The following GABBR2 variants were observed in gnomAD, a reference collection of about 807,000 sequenced individuals.
The protein encoded by GABBR2 is G-protein coupled receptor 51.
GABBR2 carries 23 observed loss-of-function variants against 105.6 expected under a neutral mutation model. The ratio of observed to expected loss-of-function variants is 0.22; its 90% confidence interval spans 0.16 to 0.31. The LOEUF (loss-of-function observed/expected upper bound fraction) is 0.31, where lower values mean the gene tolerates loss of function less well. Ranked by LOEUF, GABBR2 falls within the 10% of genes least tolerant of loss-of-function variation. The pLI is 1.00. For synonymous variants in GABBR2, 478 were observed against 499.7 expected, an observed-to-expected ratio of 0.96 and a Z score of 0.58; for missense variants, 734 against 1,245.5, an observed-to-expected ratio of 0.59 and a Z score of 6.18.
chr9:98,507,972 G>T (rs58235207), intron 3 of GABBR2, among the ~76,000 whole-genome samples: 6,496 of 152,222 alleles, frequency 0.043, 487 homozygotes, highest in African/African-American at 0.15. Context: ...CACTCTAGGA[G>T]CAGTCGGTGA....
chr9:98,419,325 G>A (rs1033150765), intron 7 of GABBR2, among the ~76,000 whole-genome samples: 2 of 152,220 alleles, frequency 1.3e-5, no homozygotes, highest in Non-Finnish European at 2.9e-5. Context: ...CTCCTAGGGT[G>A]TAAGGAGATA....
At chr9:98,646,821 G>A (rs1431014774) in intron 1 of GABBR2, among the ~76,000 whole-genome samples, 1 of 152,182 alleles carries the variant, frequency 6.6e-6, no homozygotes, top group African/African-American at 2.4e-5. Flanking sequence ...CTCCCAGAGG[G>A]TCCTCCCACA....
At position 98,290,046 on chromosome 9, in the gene GABBR2, G is replaced by C. The variant is rs1254183314; in HGVS notation, c.*538C>G. ...CTGTCTGCGCTCCTGCAGACTCCCTGTTCCAGGAAGGCTGGGGTCAGCTGG... is the reference window on the plus strand; with the variant it reads ...CTGTCTGCGCTCCTGCAGACTCCCTCTTCCAGGAAGGCTGGGGTCAGCTGG... On this transcript the variant is annotated 3_prime_UTR_variant, in exon 19 of 19. Transcript: ENST00000259455. 6.6e-6 allele frequency: 1 copy of C among 152,462 alleles called. No homozygotes were observed. The highest frequency in any genetic ancestry group is 1.5e-5 in the Non-Finnish European group (1 of 68,180). 9.4% of individuals were successfully genotyped at this position (152,462 alleles called of 1,614,324 possible).
At chr9:98,410,630 C>A (rs1261244945) in intron 7 of GABBR2, among the ~76,000 whole-genome samples, 1 of 151,230 alleles carries the variant, frequency 6.6e-6, no homozygotes, top group Admixed American at 6.6e-5. Flanking sequence ...GGGCCCCTGG[C>A]TGCATGCTCA....
chr9:98,351,709 A>G (rs1396117051), intron 13 of GABBR2, among the ~76,000 whole-genome samples: 1 of 152,218 alleles, frequency 6.6e-6, no homozygotes, highest in East Asian at 1.9e-4. Flanking sequence ...TTTCACATTC[A>G]GATCTCAAAT....
intron 12 of GABBR2, among the ~76,000 whole-genome samples, chr9:98,364,816 G>T (rs950390677): frequency 1.3e-5 from 2 of 152,094 alleles, no homozygotes; most frequent in Non-Finnish European, 2.9e-5. Flanking sequence ...GACCAGGCTG[G>T]TCTTGAACTC....
chr9:98,314,723 CTT>C (rs1277248773), intron 13 of GABBR2, among the ~76,000 whole-genome samples: 1 of 152,164 alleles, frequency 6.6e-6, no homozygotes, highest in Non-Finnish European at 1.5e-5. Context: ...CAAGCTCTCT[CTT>C]TGAGTCTGCA....
At chr9:98,367,253 A>G (rs544855348) in intron 12 of GABBR2, among the ~76,000 whole-genome samples, 1 of 150,278 alleles carries the variant, frequency 6.7e-6, no homozygotes, top group South Asian at 2.1e-4. Context: ...AAAAAAAGCA[A>G]ATGATTGCAT....
chr9:98,445,173 C>T (rs1213010319), intron 7 of GABBR2, among the ~76,000 whole-genome samples: 3 of 152,138 alleles, frequency 2.0e-5, no homozygotes, highest in African/African-American at 7.2e-5. Flanking sequence ...GCATAAAGGG[C>T]CAGGTGAAGT....
At chr9:98,487,049 C>T (rs1827069849) in intron 4 of GABBR2, among the ~76,000 whole-genome samples, 1 of 152,248 alleles carries the variant, frequency 6.6e-6, no homozygotes, top group Admixed American at 6.5e-5. Flanking sequence ...TAGCCCACAG[C>T]AGCCCAGTGG....
chr9:98,643,583 C>T (rs1829995412), intron 1 of GABBR2, among the ~76,000 whole-genome samples: 1 of 152,184 alleles, frequency 6.6e-6, no homozygotes, highest in African/African-American at 2.4e-5. Context: ...ACCACGAGCT[C>T]CTTGCGCAGA....
intron 1 of GABBR2, chr9:98,607,254 G>A (rs1167737526): frequency 3.9e-5 from 48 of 1,243,044 alleles, no homozygotes; most frequent in East Asian, 6.9e-5. Context: ...TGAGGACTAC[G>A]TAAATGCAGA....
intron 9 of GABBR2, among the ~76,000 whole-genome samples, chr9:98,390,158 T>G (rs1019243705): frequency 6.6e-6 from 1 of 152,104 alleles, no homozygotes; most frequent in African/African-American, 2.4e-5. Context: ...GTGGATCACT[T>G]GAGGTCAGGA....
At chr9:98,519,652 C>T (rs2779573) in intron 3 of GABBR2, among the ~76,000 whole-genome samples, 73,115 of 151,416 alleles carry the variant, frequency 0.48, 18,182 homozygotes, top group East Asian at 0.76. Flanking sequence ...GCCTGGGATT[C>T]AACTTCAAAG....
Position 98,406,154 on chromosome 9 carries a change from CA to C in GABBR2, c.1237-14del, listed in dbSNP as rs985625824. 6 of 1,519,804 alleles carry C rather than the reference CA, an allele frequency of 3.9e-6. No individual in the cohort carries two copies. The highest frequency in any genetic ancestry group is 4.5e-6 in the Non-Finnish European group (5 of 1,117,892). The allele number at this position is 1,519,804 out of a possible 1,614,324, so 94.1% of individuals were successfully genotyped here. A position where few individuals can be genotyped will look rare whatever the true frequency, so the allele number is the denominator to read the frequency against. ...ATACAACTTGACCCTAAAAACAAAA[CA>C]AAACAAATCAAACAAGAATAAAAGA... is the stretch of plus-strand genomic sequence containing the variant. On this transcript the variant is annotated splice_polypyrimidine_tract_variant and intron_variant, in intron 7 of 18. Transcript: ENST00000259455.
intron 1 of GABBR2, among the ~76,000 whole-genome samples, chr9:98,581,652 CATGTTTT>C (rs1016871453): frequency 1.3e-5 from 2 of 151,920 alleles, no homozygotes; most frequent in African/African-American, 4.8e-5. Flanking sequence ...CAGAGTAGTT[CATGTTTT>C]AATTGTTTCT....
intron 1 of GABBR2, among the ~76,000 whole-genome samples, chr9:98,617,402 C>T (rs905800082): frequency 2.6e-5 from 4 of 152,130 alleles, no homozygotes; most frequent in Middle Eastern, 3.2e-3. Context: ...GACAAGGAGA[C>T]GCAAATGCAG....
intron 2 of GABBR2, among the ~76,000 whole-genome samples, chr9:98,557,479 A>G (rs1166502100): frequency 6.6e-6 from 1 of 152,192 alleles, no homozygotes; most frequent in Non-Finnish European, 1.5e-5. Flanking sequence ...GGAGGCTGAT[A>G]CGGTCAATAT....
intron 8 of GABBR2, among the ~76,000 whole-genome samples, chr9:98,396,045 TA>T (rs1380607967): frequency 4.6e-5 from 7 of 152,120 alleles, no homozygotes; most frequent in Non-Finnish European, 7.4e-5. Flanking sequence ...CCAGTGGTAA[TA>T]AGAATAGAGG....
Sources: gnomAD v4.1 joint callset for allele counts (sites outside exome capture counted in the v4.1 genomes callset) on GRCh38, gnomAD v4.1.1 for gene constraint, MANE v1.5 for transcripts, NCBI Gene and HGNC (gene_info 2026-07-23, HGNC 2026-07-21) for gene names.